The following ATP6V1E1 variants were observed in gnomAD, a reference collection of about 807,000 sequenced individuals.
ATP6V1E1 encodes ATPase H+ transporting V1 subunit E1.
ATP6V1E1 carries 21 observed loss-of-function variants against 35.2 expected under a neutral mutation model. That is an observed-to-expected ratio of 0.60 (90% CI 0.42 to 0.86). ATP6V1E1 has a LOEUF of 0.86. Ranked by LOEUF, ATP6V1E1 falls within the 40% of genes least tolerant of loss-of-function variation. The pLI is 0.00. For missense variants in ATP6V1E1, 183 were observed against 272.6 expected, an observed-to-expected ratio of 0.67 and a Z score of 2.32; for synonymous variants, 83 against 87.8, an observed-to-expected ratio of 0.95 and a Z score of 0.30.
intron 4 of ATP6V1E1, among the ~76,000 whole-genome samples, chr22:17,605,693 CTTTTTT>C (rs3044548): frequency 2.0e-4 from 21 of 103,996 alleles, no homozygotes; most frequent in African/African-American, 7.0e-4. Flanking sequence ...AGATGTTTCT[CTTTTTT>C]TTTTTTTTTT....
intron 4 of ATP6V1E1, among the ~76,000 whole-genome samples, chr22:17,610,107 A>G (rs973060541): frequency 1.4e-5 from 2 of 147,582 alleles, no homozygotes; most frequent in African/African-American, 5.1e-5. Flanking sequence ...TGGGCAACAT[A>G]GCCAGACCAT....
At chr22:17,605,171 C>T (rs939629047) in intron 4 of ATP6V1E1, among the ~76,000 whole-genome samples, 6 of 141,286 alleles carry the variant, frequency 4.2e-5, no homozygotes, top group Non-Finnish European at 9.0e-5. Flanking sequence ...CGCCATTGCA[C>T]TCCAGCCTGG....
At chr22:17,625,956 C>T (rs2146320420) in intron 1 of ATP6V1E1, among the ~76,000 whole-genome samples, 1 of 151,798 alleles carries the variant, frequency 6.6e-6, no homozygotes, top group East Asian at 1.9e-4. Flanking sequence ...CCCATAAACT[C>T]TGATACATCT....
intron 6 of ATP6V1E1, among the ~76,000 whole-genome samples, chr22:17,599,503 G>C (rs191008432): frequency 2.2e-4 from 33 of 146,866 alleles, no homozygotes; most frequent in South Asian, 1.5e-3. Flanking sequence ...TTGAACCCGG[G>C]GGGGCAGAGG....
chr22:17,597,085 CA>C (rs1340576200), intron 7 of ATP6V1E1, among the ~76,000 whole-genome samples: 2 of 151,574 alleles, frequency 1.3e-5, no homozygotes, highest in Admixed American at 6.6e-5. Flanking sequence ...ACTAAAAATA[CA>C]AAAAAATTAG....
intron 4 of ATP6V1E1, among the ~76,000 whole-genome samples, chr22:17,603,529 CT>C (rs963477296): frequency 6.6e-6 from 1 of 152,000 alleles, no homozygotes; most frequent in African/African-American, 2.4e-5. Context: ...AAAGCACAGC[CT>C]CAGCCATGTG....
At chr22:17,605,050 T>C (rs2057778843) in intron 4 of ATP6V1E1, among the ~76,000 whole-genome samples, 1 of 150,224 alleles carries the variant, frequency 6.7e-6, no homozygotes, top group Non-Finnish European at 1.5e-5. Context: ...ACCCTGTCTC[T>C]ACCTAAAATA....
At chr22:17,607,903 CAGACACTCA>C (rs1261501779) in intron 4 of ATP6V1E1, among the ~76,000 whole-genome samples, 1 of 152,174 alleles carries the variant, frequency 6.6e-6, no homozygotes, top group African/African-American at 2.4e-5. Flanking sequence ...TATTCTTCAG[CAGACACTCA>C]AGGCCCTTCT....
chr22:17,613,768 T>A (rs957683145), intron 2 of ATP6V1E1, among the ~76,000 whole-genome samples: 10 of 150,360 alleles, frequency 6.7e-5, no homozygotes, highest in Middle Eastern at 3.7e-3. Context: ...GAGATCGAGA[T>A]CATCCTGGCT....
Position 17,600,071 on chromosome 22 carries a change from G to A in ATP6V1E1, c.391C>T (p.Arg131Ter). 2 of 1,613,818 alleles carry A rather than the reference G, an allele frequency of 1.2e-6. No homozygotes were observed. The highest frequency in any genetic ancestry group is 1.1e-5 in the South Asian group (1 of 91,078). Residue 131 changes from arginine (R) to a stop codon, truncating the protein, a stop_gained, in exon 6 of 9, where the codon CGA becomes TGA. Transcript: ENST00000253413. LOFTEE classifies it high-confidence loss of function. ...TGTTTCCTGCAACGAACAATCATTC[G>A]GGGCTCCAGCAACTGGTACAAACCC... is the stretch of plus-strand genomic sequence containing the variant. ...LQGLYQLLEP[R>*]MIVRCRKQDF...
chr22:17,626,696 A>C (rs2057907735), intron 1 of ATP6V1E1, among the ~76,000 whole-genome samples: 1 of 151,828 alleles, frequency 6.6e-6, no homozygotes, highest in South Asian at 2.1e-4. Flanking sequence ...ACGCCCCACT[A>C]ATTTTGTATT....
In ATP6V1E1 at chr22:17,613,531, C is replaced by T. The variant is rs555278808; in HGVS notation, c.100-211G>A. Among the ~76,000 whole-genome samples, 976 of 151,654 alleles carry T rather than the reference C, an allele frequency of 6.4e-3. 8 individuals carry two copies. The highest frequency in any genetic ancestry group is 0.022 in the African/African-American group (906 of 41,488). On this transcript the variant is annotated intron_variant, in intron 2 of 8. Transcript: ENST00000253413. ...TGACGTACTAGGAAACTAAAAATTT[C>T]GTCAAGGGTAACAGTAACCGACAAG...
chr22:17,592,577 T>C lies in ATP6V1E1; in HGVS notation c.*97A>G. On this transcript the variant is annotated 3_prime_UTR_variant, in exon 9 of 9. Coordinates refer to ENST00000253413, the MANE Select transcript of ATP6V1E1 (RefSeq NM_001696.4). ...TAAATACAGAGCAATACTGGGGCAGTGAAGAGGAAGCTACAGAGACATTCG... is the reference window on the plus strand; with the variant it reads ...TAAATACAGAGCAATACTGGGGCAGCGAAGAGGAAGCTACAGAGACATTCG... 4.7e-6 allele frequency: 6 copies of C among 1,275,596 alleles called. No homozygotes were observed. The South Asian group carries it at 7.1e-5, about 15-fold the overall frequency. The allele number at this position is 1,275,596 out of a possible 1,614,324, so 79.0% of individuals were successfully genotyped here. A position where few individuals can be genotyped will look rare whatever the true frequency, so the allele number is the denominator to read the frequency against.
intron 1 of ATP6V1E1, among the ~76,000 whole-genome samples, chr22:17,620,384 T>G (rs971437129): frequency 1.3e-5 from 2 of 151,896 alleles, no homozygotes; most frequent in African/African-American, 2.4e-5. Context: ...CCTGGCCCTG[T>G]GATCCGCCCG....
At chr22:17,600,833 T>G (rs1018377747) in intron 5 of ATP6V1E1, 2 of 260,666 alleles carry the variant, frequency 7.7e-6, no homozygotes, top group African/African-American at 4.4e-5. Flanking sequence ...AATTTGACCC[T>G]TAAGTCATGT....
chr22:17,603,818 C>A (rs1003924742), intron 4 of ATP6V1E1, among the ~76,000 whole-genome samples: 1 of 152,234 alleles, frequency 6.6e-6, no homozygotes, highest in East Asian at 1.9e-4. Flanking sequence ...TGAAAGAACT[C>A]TTAGCTCCTC....
chr22:17,603,599 A>C (rs982624316), intron 4 of ATP6V1E1, among the ~76,000 whole-genome samples: 1 of 151,794 alleles, frequency 6.6e-6, no homozygotes, highest in African/African-American at 2.4e-5. Flanking sequence ...TGATTACTTA[A>C]ACCCAGAGTT....
chr22:17,600,432 G>A (rs1288324648), intron 5 of ATP6V1E1, among the ~76,000 whole-genome samples: 2 of 151,972 alleles, frequency 1.3e-5, no homozygotes, highest in Non-Finnish European at 2.9e-5. Flanking sequence ...GTGAGACTCT[G>A]TCTCCAAAAA....
chr22:17,598,265 A>G lies in ATP6V1E1; in HGVS notation c.459T>C (p.Pro153=), dbSNP rs28396972. ...LVKAAVQKAI[P]MYKIATKNDV... is the part of the protein sequence containing the mutation. ...CGTTTTTGGTGGCAATTTTGTACAT[A>G]GGAATTGCCTTCTGCACTGCAGCCT... The change falls in exon 7 of 9, where the codon CCT becomes CCC. Residue 153 remains proline, a synonymous_variant. Coordinates refer to ENST00000253413, the MANE Select transcript of ATP6V1E1 (RefSeq NM_001696.4). 2.5e-6 allele frequency: 4 copies of G among 1,613,972 alleles called. No individual in the cohort carries two copies. The South Asian group carries it at 3.3e-5, about 13-fold the overall frequency.
Sources: gnomAD v4.1 joint callset for allele counts (sites outside exome capture counted in the v4.1 genomes callset) on GRCh38, gnomAD v4.1.1 for gene constraint, MANE v1.5 for transcripts, NCBI Gene and HGNC (gene_info 2026-07-23, HGNC 2026-07-21) for gene names.